SUSD6: variants seen among roughly 807,000 people sequenced by gnomAD.
The protein encoded by SUSD6 is sushi domain containing 6.
In SUSD6, 16 loss-of-function variants were observed where a neutral mutation model predicts 28.4. The observed-to-expected ratio is 0.56, with a 90% CI of 0.38 to 0.86. The LOEUF is 0.86. Among genes scored for constraint, SUSD6 ranks in the 40% least tolerant of loss-of-function variants. The pLI, the probability that SUSD6 is intolerant of heterozygous loss-of-function variation, is 0.00. For synonymous variants in SUSD6, 147 were observed against 159.6 expected, an observed-to-expected ratio of 0.92 and a Z score of 0.59; for missense variants, 341 against 384.2, an observed-to-expected ratio of 0.89 and a Z score of 0.94.
At chr14:69,667,525 C>T (rs1286201419) in intron 2 of SUSD6, among the ~76,000 whole-genome samples, 7 of 151,788 alleles carry the variant, frequency 4.6e-5, no homozygotes, top group Non-Finnish European at 7.4e-5. Context: ...TACAGACACC[C>T]GCCGCCACAC....
At chr14:69,614,807 A>G (rs113374849) in intron 1 of SUSD6, among the ~76,000 whole-genome samples, 2,358 of 152,324 alleles carry the variant, frequency 0.015, 24 homozygotes, top group Middle Eastern at 0.037. Context: ...AGGGAAGGCC[A>G]GAGGGCACAC....
At chr14:69,665,230 T>A (rs1279703060) in intron 2 of SUSD6, among the ~76,000 whole-genome samples, 1 of 152,148 alleles carries the variant, frequency 6.6e-6, no homozygotes, top group Non-Finnish European at 1.5e-5. Flanking sequence ...CACTGAAAGA[T>A]GAGGGTGTGA....
intron 2 of SUSD6, among the ~76,000 whole-genome samples, chr14:69,679,656 C>T (rs1206655756): frequency 6.6e-6 from 1 of 151,178 alleles, no homozygotes; most frequent in Non-Finnish European, 1.5e-5. Flanking sequence ...ATTCTTCTTT[C>T]AATGTGGCCC....
At chr14:69,625,897 C>T (rs74060235) in intron 1 of SUSD6, among the ~76,000 whole-genome samples, 2,797 of 152,262 alleles carry the variant, frequency 0.018, 82 homozygotes, top group African/African-American at 0.064. Flanking sequence ...CATCCTCTCC[C>T]GCTTTCAACC....
Position 69,616,711 on chromosome 14 carries a change from A to G in SUSD6, c.-81+4883A>G, listed in dbSNP as rs539555284. ...AAAATAAAAGGGAAAAAAAATCAGCATGATTCTACCACCCTAACATAATGT... is the reference window on the plus strand; with the variant it reads ...AAAATAAAAGGGAAAAAAAATCAGCGTGATTCTACCACCCTAACATAATGT... On this transcript the variant is annotated intron_variant, in intron 1 of 5. Coordinates refer to ENST00000342745, the MANE Select transcript of SUSD6 (RefSeq NM_014734.4). 2.4e-3 allele frequency among the ~76,000 whole-genome samples: 368 copies of G among 152,350 alleles called. 2 individuals carry two copies. The highest frequency in any genetic ancestry group is 2.3e-3 in the Non-Finnish European group (156 of 68,026).
At chr14:69,656,463 T>C (rs535546877) in intron 1 of SUSD6, among the ~76,000 whole-genome samples, 6 of 152,334 alleles carry the variant, frequency 3.9e-5, no homozygotes, top group Admixed American at 2.0e-4. Context: ...AAAGGGCCCA[T>C]TGCCAGTTCT....
chr14:69,622,874 G>T (rs1172563607), intron 1 of SUSD6, among the ~76,000 whole-genome samples: 1 of 152,218 alleles, frequency 6.6e-6, no homozygotes, highest in Non-Finnish European at 1.5e-5. Flanking sequence ...GATTGCAGGC[G>T]TGAGCCACAG....
intron 2 of SUSD6, among the ~76,000 whole-genome samples, chr14:69,665,498 C>G (rs1186528430): frequency 6.6e-6 from 1 of 152,192 alleles, no homozygotes; most frequent in African/African-American, 2.4e-5. Context: ...AACGATCCAC[C>G]CGCCTTGGCC....
chr14:69,648,841 A>G (rs1885464111), intron 1 of SUSD6, among the ~76,000 whole-genome samples: 1 of 152,202 alleles, frequency 6.6e-6, no homozygotes, highest in Non-Finnish European at 1.5e-5. Context: ...TTGTTACCAG[A>G]CAGCAGCATT....
chr14:69,640,387 G>A (rs996341369), intron 1 of SUSD6, among the ~76,000 whole-genome samples: 3 of 152,064 alleles, frequency 2.0e-5, no homozygotes, highest in South Asian at 4.2e-4. Flanking sequence ...AGGTTGGAGT[G>A]CAGTAGCACA....
intron 2 of SUSD6, among the ~76,000 whole-genome samples, chr14:69,677,659 C>T (rs1885933408): frequency 6.6e-6 from 1 of 151,954 alleles, no homozygotes; most frequent in Non-Finnish European, 1.5e-5. Context: ...GTGGAGACAG[C>T]TGCATGGTCA....
At chr14:69,635,146 C>T (rs890757704) in intron 1 of SUSD6, among the ~76,000 whole-genome samples, 1 of 152,184 alleles carries the variant, frequency 6.6e-6, no homozygotes, top group African/African-American at 2.4e-5. Flanking sequence ...CTAGTTCTTT[C>T]TAAGGCTCCC....
chr14:69,629,076 G>A (rs1885157390), intron 1 of SUSD6, among the ~76,000 whole-genome samples: 1 of 152,024 alleles, frequency 6.6e-6, no homozygotes, highest in African/African-American at 2.4e-5. Context: ...ATGAGGTGGT[G>A]AGGGAGGCAG....
At chr14:69,691,579 C>T (rs1886153305) in intron 2 of SUSD6, among the ~76,000 whole-genome samples, 1 of 152,162 alleles carries the variant, frequency 6.6e-6, no homozygotes, top group Admixed American at 6.5e-5. Flanking sequence ...TACCTGACCC[C>T]CTGTTTGGGA....
At chr14:69,617,521 T>A (rs1409615064) in intron 1 of SUSD6, 1 of 152,250 alleles carries the variant, frequency 6.6e-6, no homozygotes, top group Non-Finnish European at 1.5e-5. Flanking sequence ...TCCAGTAGCA[T>A]TGTTTCCAAA....
Position 69,711,107 on chromosome 14 carries a change from G to T in SUSD6, c.*128G>T. The T allele has an allele frequency of 1.1e-6, 1 of 915,072 alleles. No individual in the cohort carries two copies. The highest frequency in any genetic ancestry group is 1.4e-5 in the South Asian group (1 of 71,714). 56.7% of individuals were successfully genotyped at this position (915,072 alleles called of 1,614,324 possible). ...CCTGAGCTGCCACCTGTGTATCTGT[G>T]TATCTCTGAGGGCCCTATAGGCCCA... On this transcript the variant is annotated 3_prime_UTR_variant, in exon 6 of 6. Transcript: ENST00000342745.
chr14:69,639,956 G>GTTTTTTTT lies in SUSD6; in HGVS notation c.-80-18541_-80-18534dup, dbSNP rs11463756. 1.7e-3 allele frequency among the ~76,000 whole-genome samples: 135 copies of GTTTTTTTT among 81,634 alleles called. 6 individuals are homozygous for GTTTTTTTT. The highest frequency in any genetic ancestry group is 5.8e-3 in the African/African-American group (124 of 21,328). 53.6% of individuals were successfully genotyped at this position (81,634 alleles called of 152,430 possible). A position where few individuals can be genotyped will look rare whatever the true frequency, so the allele number is the denominator to read the frequency against. On this transcript the variant is annotated intron_variant, in intron 1 of 5. Coordinates refer to ENST00000342745, the MANE Select transcript of SUSD6 (RefSeq NM_014734.4). ...AGAGTCCCTCTGGGGCACCTACACT[G>GTTTTTTTT]TTTTTTTTTTTTTTTTTTTTTTTGC...
chr14:69,684,483 AG>A (rs1886042709), intron 2 of SUSD6, among the ~76,000 whole-genome samples: 1 of 152,240 alleles, frequency 6.6e-6, no homozygotes, highest in South Asian at 2.1e-4. Flanking sequence ...GCTTATCCCA[AG>A]ATCTATTAAT....
In SUSD6 at chr14:69,709,967, T is replaced by C. The variant is rs2139649260; in HGVS notation, c.886+863T>C. Among the ~76,000 whole-genome samples, 6 of 152,354 alleles carry C rather than the reference T, an allele frequency of 3.9e-5. No homozygotes were observed. In the South Asian group the frequency reaches 1.2e-3, roughly 32 times the overall value. ...TTATGCTTCCTGGGTATCCTGGGCA[T>C]AGTAAATGTCTAAGGTTTAGAATAT... On this transcript the variant is annotated intron_variant, in intron 5 of 5. Transcript: ENST00000342745.
Sources: gnomAD v4.1 joint callset for allele counts (sites outside exome capture counted in the v4.1 genomes callset) on GRCh38, gnomAD v4.1.1 for gene constraint, MANE v1.5 for transcripts, NCBI Gene and HGNC (gene_info 2026-07-23, HGNC 2026-07-21) for gene names.